FAF1: variants seen among roughly 807,000 people sequenced by gnomAD.
The protein encoded by FAF1 is FAS-associated factor 1.
A neutral mutation model predicts 92.5 loss-of-function variants in FAF1; 25 were observed. The observed-to-expected ratio is 0.27, with a 90% CI of 0.20 to 0.38. The LOEUF is 0.38. FAF1 is among the 10% of genes least tolerant of loss of function. FAF1 has a pLI of 1.00. For missense variants in FAF1, 636 were observed against 793.3 expected, an observed-to-expected ratio of 0.80 and a Z score of 2.38; for synonymous variants, 234 against 273.2, an observed-to-expected ratio of 0.86 and a Z score of 1.42.
intron 13 of FAF1, among the ~76,000 whole-genome samples, chr1:50,554,390 T>TATATATAGAGAGAG: frequency 1.2e-4 from 11 of 93,684 alleles, no homozygotes; most frequent in African/African-American, 4.3e-4. Context: ...TATATATATA[T>TATATATAGAGAGAG]AGAGAGAGAG....
intron 1 of FAF1, among the ~76,000 whole-genome samples, chr1:50,876,691 T>G (rs1644574758): frequency 6.6e-6 from 1 of 152,158 alleles, no homozygotes; most frequent in African/African-American, 2.4e-5. Context: ...GTTCAAGTGA[T>G]TCTCCTACCT....
At chr1:50,477,498 TTCAG>T (rs1646652882) in intron 17 of FAF1, among the ~76,000 whole-genome samples, 1 of 152,212 alleles carries the variant, frequency 6.6e-6, no homozygotes, top group Non-Finnish European at 1.5e-5. Flanking sequence ...TTGCTTTTTT[TTCAG>T]TCACTTTTGC....
intron 8 of FAF1, among the ~76,000 whole-genome samples, chr1:50,603,932 T>C (rs192607794): frequency 9.3e-4 from 141 of 152,358 alleles, no homozygotes; most frequent in Non-Finnish European, 1.6e-3. Flanking sequence ...AAAAACTGTG[T>C]TCTCTGCCTG....
At position 50,545,906 on chromosome 1, in the gene FAF1, T is replaced by C. The variant is rs536233538; in HGVS notation, c.1269-6178A>G. ...TACTGGATGCAGTAGCTCACACCAG[T>C]AATCCCAGCACTTTGGGAGGCCAAG... On this transcript the variant is annotated intron_variant, in intron 13 of 18. Coordinates refer to ENST00000396153, the MANE Select transcript of FAF1 (RefSeq NM_007051.3). Among the ~76,000 whole-genome samples the C allele has an allele frequency of 3.9e-4, 59 of 152,306 alleles. 2 individuals carry two copies. Among genetic ancestry groups the C allele is most frequent in the Non-Finnish European group, 6.6e-4 (45 of 68,014 alleles).
In FAF1 at chr1:50,762,933, C is replaced by A. The variant is rs1336522047; in HGVS notation, c.368-18158G>T. ...CAAAATGGGAGAAAATTTTCACAAC[C>A]TACTCATCTGATAAATCTCTCTTTT... On this transcript the variant is annotated intron_variant, in intron 4 of 18. Coordinates refer to ENST00000396153, the MANE Select transcript of FAF1 (RefSeq NM_007051.3). Among the ~76,000 whole-genome samples, 3 of 152,096 alleles carry A rather than the reference C, an allele frequency of 2.0e-5. No homozygotes were observed. The East Asian group carries it at 5.8e-4, about 29-fold the overall frequency.
At chr1:50,623,250 T>C (rs1653295179) in intron 8 of FAF1, among the ~76,000 whole-genome samples, 1 of 152,102 alleles carries the variant, frequency 6.6e-6, no homozygotes, top group African/African-American at 2.4e-5. Context: ...ATTTTGAGTG[T>C]AGTTTGGGAA....
At chr1:50,616,527 G>A (rs1042289998) in intron 8 of FAF1, among the ~76,000 whole-genome samples, 1 of 151,942 alleles carries the variant, frequency 6.6e-6, no homozygotes, top group African/African-American at 2.4e-5. Flanking sequence ...GTGTTTTGTA[G>A]TTCTCATTTT....
intron 8 of FAF1, among the ~76,000 whole-genome samples, chr1:50,604,246 G>A (rs1251580043): frequency 6.6e-6 from 1 of 152,096 alleles, no homozygotes; most frequent in Non-Finnish European, 1.5e-5. Flanking sequence ...CATCTCCCTT[G>A]CCCCATTCCA....
chr1:50,441,504 T>C lies in FAF1; in HGVS notation c.1889A>G (p.Asn630Ser). The change falls in exon 19 of 19, where the codon AAT becomes AGT. Residue 630 changes from asparagine (N) to serine (S), a missense_variant. This residue lies in a region of FAF1 where 319 missense variants were observed against 451.0 expected (regional missense o/e 0.71). Coordinates refer to ENST00000396153, the MANE Select transcript of FAF1 (RefSeq NM_007051.3). ...CAACTTTACCTCCAATAATGATTTA[T>C]TTGGGTCCAGTTGAGTTACCTAAAA... ...PRRDVTQLDP[N>S]KSLLEVKLFP... 6.5e-7 allele frequency: 1 copy of C among 1,544,764 alleles called. No homozygotes were observed. The highest frequency in any genetic ancestry group is 8.8e-7 in the Non-Finnish European group (1 of 1,141,694).
At chr1:50,786,799 A>C (rs72902760) in intron 4 of FAF1, among the ~76,000 whole-genome samples, 10,078 of 152,276 alleles carry the variant, frequency 0.066, 415 homozygotes, top group East Asian at 0.095. Flanking sequence ...AAATGCAGGT[A>C]GGGGCTTGAT....
intron 8 of FAF1, among the ~76,000 whole-genome samples, chr1:50,608,761 G>C (rs1486482208): frequency 6.6e-6 from 1 of 152,144 alleles, no homozygotes; most frequent in Non-Finnish European, 1.5e-5. Context: ...TCGTTGCAGA[G>C]GTATAAAAGC....
At chr1:50,462,883 A>C (rs1189999422) in intron 18 of FAF1, among the ~76,000 whole-genome samples, 1 of 152,214 alleles carries the variant, frequency 6.6e-6, no homozygotes, top group Non-Finnish European at 1.5e-5. Context: ...TAAACTCCAG[A>C]AGTGAATTTG....
intron 1 of FAF1, among the ~76,000 whole-genome samples, chr1:50,891,001 C>A (rs1644715147): frequency 6.6e-6 from 1 of 152,314 alleles, no homozygotes; most frequent in South Asian, 2.1e-4. Context: ...GTACACCAAT[C>A]AAACGTAGAT....
At position 50,578,494 on chromosome 1, in the gene FAF1, A is replaced by G. The variant is rs532625277; in HGVS notation, c.1113+4124T>C. ...GTTTGATTATTAAATCCTGAAGTACAGCAGTTAGCAATGAAAACTCAAGTG... is the reference window on the plus strand; with the variant it reads ...GTTTGATTATTAAATCCTGAAGTACGGCAGTTAGCAATGAAAACTCAAGTG... On this transcript the variant is annotated intron_variant, in intron 12 of 18. Coordinates refer to ENST00000396153, the MANE Select transcript of FAF1 (RefSeq NM_007051.3). Among the ~76,000 whole-genome samples, 7 of 152,334 alleles carry G rather than the reference A, an allele frequency of 4.6e-5. No homozygotes were observed. In the South Asian group the frequency reaches 8.3e-4, roughly 18 times the overall value.
intron 6 of FAF1, among the ~76,000 whole-genome samples, chr1:50,719,967 T>C (rs1265409505): frequency 1.3e-5 from 2 of 152,222 alleles, no homozygotes; most frequent in Non-Finnish European, 2.9e-5. Flanking sequence ...TGCATAACTT[T>C]TGGGAAATGT....
chr1:50,616,193 A>G (rs1652905576), intron 8 of FAF1, among the ~76,000 whole-genome samples: 1 of 152,138 alleles, frequency 6.6e-6, no homozygotes, highest in Admixed American at 6.5e-5. Flanking sequence ...TGAGTCTTCT[A>G]TTCTGTTCCA....
chr1:50,531,863 C>T (rs1206393872), intron 15 of FAF1, among the ~76,000 whole-genome samples: 3 of 152,020 alleles, frequency 2.0e-5, no homozygotes, highest in East Asian at 1.9e-4. Context: ...TAGGTATTTC[C>T]GGTTGTGCTA....
intron 7 of FAF1, among the ~76,000 whole-genome samples, chr1:50,686,954 G>C (rs1158052306): frequency 1.3e-5 from 2 of 151,994 alleles, no homozygotes; most frequent in African/African-American, 4.8e-5. Context: ...TCAGCTTCCT[G>C]AGTAGCCAGG....
chr1:50,822,753 T>C (rs968451873), intron 2 of FAF1, among the ~76,000 whole-genome samples: 6 of 145,820 alleles, frequency 4.1e-5, no homozygotes, highest in Non-Finnish European at 7.5e-5. Flanking sequence ...GTTTTTTCTT[T>C]CTTTCTTTCT....
Sources: gnomAD v4.1 joint callset for allele counts (sites outside exome capture counted in the v4.1 genomes callset) on GRCh38, gnomAD v4.1.1 for gene constraint, gnomAD v4.1.1 regional missense constraint, MANE v1.5 for transcripts, NCBI Gene and HGNC (gene_info 2026-07-23, HGNC 2026-07-21) for gene names.